The following DOCK1 variants were observed in gnomAD, a reference collection of about 807,000 sequenced individuals.
DOCK1 encodes the protein dedicator of cytokinesis 1.
Under a neutral mutation model 262.7 loss-of-function variants are expected in DOCK1, and 138 were observed. The observed-to-expected ratio is 0.53, with a 90% CI of 0.46 to 0.61. The LOEUF (loss-of-function observed/expected upper bound fraction) is 0.61. DOCK1 is among the 20% of genes least tolerant of loss of function. The pLI, the probability that DOCK1 is intolerant of heterozygous loss-of-function variation, is 0.00. For synonymous variants in DOCK1, 866 were observed against 867.4 expected (o/e 1.00, Z 0.03); for missense variants, 1,908 against 2,370.7 (o/e 0.80, Z 4.05).
intron 6 of DOCK1, among the ~76,000 whole-genome samples, chr10:126,996,328 C>T (rs1044945736): frequency 6.4e-5 from 9 of 139,718 alleles, no homozygotes; most frequent in Admixed American, 1.6e-4. Flanking sequence ...TGCAGTGAGC[C>T]GAGATCGCAC....
rs528192596 is a variant in DOCK1 at position 126,997,198 on chromosome 10, G to A, written c.609+315G>A. ...TTTCCTCTCGGATAATGGTAGGCAG[G>A]TCATGTATTCCAAGCTCATTGAGGG... On this transcript the variant is annotated intron_variant, in intron 7 of 51. Coordinates refer to ENST00000623213, the MANE Select transcript of DOCK1 (RefSeq NM_001290223.2). 3.2e-3 allele frequency among the ~76,000 whole-genome samples: 480 copies of A among 152,250 alleles called. 1 individual carries two copies. Among genetic ancestry groups the A allele is most frequent in the Non-Finnish European group, 4.7e-3 (323 of 68,018 alleles).
chr10:127,234,599 G>C (rs1261952591), intron 27 of DOCK1, among the ~76,000 whole-genome samples: 1 of 152,028 alleles, frequency 6.6e-6, no homozygotes. Flanking sequence ...AAATTCAATG[G>C]AATTCCAATT....
At chr10:126,979,846 T>C (rs544337257) in intron 3 of DOCK1, among the ~76,000 whole-genome samples, 1 of 152,256 alleles carries the variant, frequency 6.6e-6, no homozygotes, top group South Asian at 2.1e-4. Context: ...TAAACAACTT[T>C]CCTGTAGTTA....
intron 37 of DOCK1, 26 bp from the exon 38 acceptor site, chr10:127,384,764 C>G (rs1415647864): frequency 6.5e-7 from 1 of 1,530,524 alleles, no homozygotes; most frequent in Non-Finnish European, 8.7e-7. Context: ...CGCCTCGGGT[C>G]CGCTCATGCT....
chr10:127,060,231 G>A (rs769653530), intron 22 of DOCK1, among the ~76,000 whole-genome samples: 3 of 152,100 alleles, frequency 2.0e-5, no homozygotes, highest in Non-Finnish European at 4.4e-5. Flanking sequence ...TGTCCTGAGG[G>A]GAAAAATGAT....
chr10:127,327,122 A>G (rs2062778535), intron 29 of DOCK1, among the ~76,000 whole-genome samples: 1 of 152,256 alleles, frequency 6.6e-6, no homozygotes, highest in South Asian at 2.1e-4. Context: ...TCAGAATAAC[A>G]AATAAGCATT....
At chr10:127,350,256 C>T (rs1247367313) in intron 31 of DOCK1, among the ~76,000 whole-genome samples, 3 of 110,512 alleles carry the variant, frequency 2.7e-5, no homozygotes, top group South Asian at 2.6e-4. Flanking sequence ...GTGGCGGCAG[C>T]GGGGACGCTT....
chr10:127,303,201 A>G (rs968194459), intron 29 of DOCK1, among the ~76,000 whole-genome samples: 1 of 152,178 alleles, frequency 6.6e-6, no homozygotes, highest in Admixed American at 6.5e-5. Context: ...GGGGCAGGTG[A>G]CAGTCAGTGG....
chr10:127,277,467 T>C (rs1027126373), intron 29 of DOCK1, among the ~76,000 whole-genome samples: 17 of 152,034 alleles, frequency 1.1e-4, no homozygotes, highest in African/African-American at 3.9e-4. Context: ...ACCTTTAAAG[T>C]TGAATAAGGG....
chr10:127,318,676 T>C (rs777555058), intron 29 of DOCK1, among the ~76,000 whole-genome samples: 4 of 152,210 alleles, frequency 2.6e-5, no homozygotes, highest in Non-Finnish European at 4.4e-5. Flanking sequence ...TTTGATTATG[T>C]GTGGACTTTT....
In DOCK1 at chr10:127,403,161, T is replaced by G. The variant is rs1401830413; in HGVS notation, c.4017+17T>G. On this transcript the variant is annotated intron_variant, in intron 39 of 51. Transcript: ENST00000623213. Reference sequence around the variant, plus strand: ...GAATTGCTGGTGAGTCTTTATTTCTTTTTATTTAAATGAACACAGGCAATC... The same window carrying G: ...GAATTGCTGGTGAGTCTTTATTTCTGTTTATTTAAATGAACACAGGCAATC... The G allele has an allele frequency of 1.9e-6, 3 of 1,586,430 alleles. No individual in the cohort carries two copies. Among genetic ancestry groups the G allele is most frequent in the Non-Finnish European group, 2.6e-6 (3 of 1,165,762 alleles).
chr10:127,006,290 T>C (rs1325171285), intron 10 of DOCK1, among the ~76,000 whole-genome samples: 1 of 152,210 alleles, frequency 6.6e-6, no homozygotes. Flanking sequence ...GTGCTGGCCC[T>C]GGGCCTCTGT....
At chr10:126,956,351 C>T (rs895668564) in intron 1 of DOCK1, among the ~76,000 whole-genome samples, 12 of 152,212 alleles carry the variant, frequency 7.9e-5, no homozygotes, top group African/African-American at 2.7e-4. Flanking sequence ...AGAGTGACTT[C>T]GTACCTTCTT....
At chr10:127,247,238 T>G (rs1204781446) in intron 27 of DOCK1, among the ~76,000 whole-genome samples, 1 of 152,140 alleles carries the variant, frequency 6.6e-6, no homozygotes, top group Admixed American at 6.5e-5. Context: ...TGATTTTCTG[T>G]GTTGCTTTCT....
chr10:127,228,331 G>C (rs1390907374), intron 27 of DOCK1, among the ~76,000 whole-genome samples: 3 of 152,232 alleles, frequency 2.0e-5, no homozygotes, highest in Admixed American at 2.0e-4. Flanking sequence ...GTGTATGTGC[G>C]TCACCCCCAC....
At chr10:127,418,943 A>C (rs1049348058) in intron 45 of DOCK1, among the ~76,000 whole-genome samples, 5 of 152,216 alleles carry the variant, frequency 3.3e-5, no homozygotes, top group Non-Finnish European at 7.3e-5. Context: ...GTCTCCCTGG[A>C]TCCTAGCTCT....
intron 50 of DOCK1, among the ~76,000 whole-genome samples, chr10:127,445,238 G>T (rs887739808): frequency 1.3e-5 from 2 of 152,122 alleles, no homozygotes; most frequent in Admixed American, 1.3e-4. Context: ...CAGCAGAACC[G>T]GGGAGCCCAC....
intron 46 of DOCK1, among the ~76,000 whole-genome samples, chr10:127,424,540 C>A (rs1476978352): frequency 6.6e-6 from 1 of 152,156 alleles, no homozygotes; most frequent in Non-Finnish European, 1.5e-5. Flanking sequence ...GCCTTTGCAT[C>A]CAGAGAGAGA....
chr10:127,297,867 G>A lies in DOCK1; in HGVS notation c.3044+40438G>A, dbSNP rs79868070. ...ATGCATTATTCAGACGTGTCGGAGC[G>A]AGAGTGCCCGATTTCACCACCCATT... On this transcript the variant is annotated intron_variant, in intron 29 of 51. Coordinates refer to ENST00000623213, the MANE Select transcript of DOCK1 (RefSeq NM_001290223.2). 8.5e-3 allele frequency among the ~76,000 whole-genome samples: 1,296 copies of A among 152,154 alleles called. 35 individuals are homozygous for A. The East Asian group carries it at 0.1, about 12-fold the overall frequency.
Sources: allele counts gnomAD v4.1 joint callset (sites outside exome capture counted in the v4.1 genomes callset), GRCh38; gene constraint gnomAD v4.1.1; transcripts MANE v1.5; gene names NCBI Gene and HGNC (gene_info 2026-07-23, HGNC 2026-07-21).